The following ELMO1 variants were observed in gnomAD, a reference collection of about 807,000 sequenced individuals.
ELMO1 encodes the protein engulfment and cell motility 1, also known as engulfment and cell motility protein 1.
ELMO1 carries 26 observed loss-of-function variants against 98.9 expected under a neutral mutation model. The observed-to-expected ratio is 0.26, with a 90% CI of 0.19 to 0.36. The LOEUF (loss-of-function observed/expected upper bound fraction) is 0.36, where lower values mean the gene tolerates loss of function less well. Ranked by LOEUF, ELMO1 falls within the 10% of genes least tolerant of loss-of-function variation. The pLI is 1.00. For missense variants in ELMO1, 627 were observed against 935.2 expected (o/e 0.67, Z 4.30); for synonymous variants, 346 against 346.0 (o/e 1.00, Z 0.00).
At chr7:37,411,528 G>A (rs1803990858) in intron 1 of ELMO1, among the ~76,000 whole-genome samples, 1 of 152,146 alleles carries the variant, frequency 6.6e-6, no homozygotes, top group South Asian at 2.1e-4. Context: ...GAGAGAGAAT[G>A]TATTCAGCTT....
chr7:36,919,603 G>A (rs1488779607), intron 16 of ELMO1, among the ~76,000 whole-genome samples: 1 of 152,160 alleles, frequency 6.6e-6, no homozygotes, highest in Non-Finnish European at 1.5e-5. Flanking sequence ...GAACAGAGTA[G>A]GCCTGGCAAC....
At chr7:36,908,717 A>T (rs1286884859) in intron 16 of ELMO1, among the ~76,000 whole-genome samples, 3 of 152,230 alleles carry the variant, frequency 2.0e-5, no homozygotes, top group African/African-American at 7.2e-5. Flanking sequence ...GGACCTTACC[A>T]TGTATCTCAT....
intron 5 of ELMO1, among the ~76,000 whole-genome samples, chr7:37,264,717 G>T (rs560670084): frequency 2.6e-5 from 4 of 152,158 alleles, no homozygotes; most frequent in Non-Finnish European, 5.9e-5. Context: ...TCCCAGATAG[G>T]AAAGGGTTCT....
At chr7:37,294,288 C>T (rs546340026) in intron 4 of ELMO1, among the ~76,000 whole-genome samples, 18 of 150,614 alleles carry the variant, frequency 1.2e-4, no homozygotes, top group African/African-American at 3.4e-4. Flanking sequence ...ACCCGGGAGG[C>T]GGAGGTTGCA....
chr7:37,346,398 C>T (rs1331555153), intron 1 of ELMO1, among the ~76,000 whole-genome samples: 4 of 152,060 alleles, frequency 2.6e-5, no homozygotes, highest in African/African-American at 9.7e-5. Context: ...TTAACCATAG[C>T]AATGCCAATT....
intron 15 of ELMO1, among the ~76,000 whole-genome samples, chr7:37,046,546 AT>A (rs558770352): frequency 6.6e-6 from 1 of 152,236 alleles, no homozygotes; most frequent in Non-Finnish European, 1.5e-5. Context: ...TACATTTTAT[AT>A]TTTGATATTT....
chr7:37,321,857 C>CT (rs869082330), intron 2 of ELMO1, among the ~76,000 whole-genome samples: 114 of 137,456 alleles, frequency 8.3e-4, no homozygotes, highest in South Asian at 1.4e-3. Context: ...AAGTAACTCC[C>CT]TTTTTTTTTT....
At chr7:36,929,455 T>A (rs1411089406) in intron 16 of ELMO1, among the ~76,000 whole-genome samples, 1 of 152,162 alleles carries the variant, frequency 6.6e-6, no homozygotes, top group Non-Finnish European at 1.5e-5. Context: ...TAAATACACA[T>A]CAAGGCATCA....
Position 37,153,440 on chromosome 7 carries a change from G to T in ELMO1, c.1087-20206C>A, listed in dbSNP as rs145194476. ...AACGGTACACTCCTGCCAAAATACC[G>T]TGCTTTTCCCACAGTCTTCACAATC... is the stretch of plus-strand genomic sequence containing the variant. On this transcript the variant is annotated intron_variant, in intron 13 of 21. Coordinates refer to ENST00000310758, the MANE Select transcript of ELMO1 (RefSeq NM_014800.11). Among the ~76,000 whole-genome samples, 23 of 152,258 alleles carry T rather than the reference G, an allele frequency of 1.5e-4. No individual in the cohort carries two copies. In the East Asian group the frequency reaches 4.3e-3, roughly 28 times the overall value.
chr7:37,246,671 G>T lies in ELMO1; in HGVS notation c.414-2280C>A, dbSNP rs1434238865. Among the ~76,000 whole-genome samples the T allele has an allele frequency of 2.0e-5, 3 of 152,150 alleles. No individual in the cohort carries two copies. In the East Asian group the frequency reaches 5.8e-4, roughly 29 times the overall value. ...ATCTTGTGTTTCAGTAGAAAACTAA[G>T]CAGCGCCTACAACATATCCTTTTGG... On this transcript the variant is annotated intron_variant, in intron 6 of 21. Transcript: ENST00000310758.
At chr7:37,213,266 T>A (rs1793083311) in intron 12 of ELMO1, 69 bp downstream of exon 12, 13 of 1,563,644 alleles carry the variant, frequency 8.3e-6, no homozygotes, top group Non-Finnish European at 1.0e-5. Flanking sequence ...TCAGGGTACC[T>A]CAAGAAAAGA....
rs1488911701 is a variant in ELMO1 at position 36,855,876 on chromosome 7, G to C, written c.1984-125C>G. The C allele has an allele frequency of 4.6e-6, 5 of 1,082,372 alleles. No homozygotes were observed. The Admixed American group carries it at 1.2e-4, about 25-fold the overall frequency. 67.0% of individuals were successfully genotyped at this position (1,082,372 alleles called of 1,614,324 possible). A position where few individuals can be genotyped will look rare whatever the true frequency, so the allele number is the denominator to read the frequency against. ...GTGCGCTAAGGGCTCTGCCTACTTCGTCATTTCATATTTGGCGACATCTCA... is the reference window on the plus strand; with the variant it reads ...GTGCGCTAAGGGCTCTGCCTACTTCCTCATTTCATATTTGGCGACATCTCA... On this transcript the variant is annotated intron_variant, in intron 21 of 21. Coordinates refer to ENST00000310758, the MANE Select transcript of ELMO1 (RefSeq NM_014800.11). This position sits in a 1 kb window ranked among gnomAD's most constrained non-coding sequence, Gnocchi z 4.2.
chr7:36,908,550 TA>T (rs201236307), intron 16 of ELMO1, among the ~76,000 whole-genome samples: 2,153 of 144,588 alleles, frequency 0.015, 20 homozygotes, highest in Middle Eastern at 0.055. Flanking sequence ...TAAGATTTGT[TA>T]TTTTTTTTTT....
intron 13 of ELMO1, among the ~76,000 whole-genome samples, chr7:37,142,715 A>C (rs1787718507): frequency 6.6e-6 from 1 of 152,248 alleles, no homozygotes; most frequent in African/African-American, 2.4e-5. Context: ...CTGACACAGG[A>C]GGGGAGCCAA....
chr7:36,857,045 C>T (rs570649037), intron 21 of ELMO1, among the ~76,000 whole-genome samples: 3 of 152,206 alleles, frequency 2.0e-5, no homozygotes, highest in Non-Finnish European at 4.4e-5. Context: ...TGATGGAAAT[C>T]TTCCGTGATG....
At chr7:36,864,381 A>G (rs1169785764) in intron 20 of ELMO1, among the ~76,000 whole-genome samples, 1 of 152,172 alleles carries the variant, frequency 6.6e-6, no homozygotes, top group Admixed American at 6.5e-5. Flanking sequence ...TGATAAACAC[A>G]GGCAGGAAAT....
At chr7:36,858,173 A>G (rs1424973394) in intron 21 of ELMO1, among the ~76,000 whole-genome samples, 3 of 152,356 alleles carry the variant, frequency 2.0e-5, no homozygotes, top group South Asian at 2.1e-4. Context: ...TGTAAATTGT[A>G]TAACTTTAGG....
At chr7:36,956,669 A>G (rs1788474940) in intron 16 of ELMO1, among the ~76,000 whole-genome samples, 1 of 152,246 alleles carries the variant, frequency 6.6e-6, no homozygotes, top group Non-Finnish European at 1.5e-5. Context: ...GCTTATAGTG[A>G]CAAAGCTTCT....
At position 37,349,782 on chromosome 7, in the gene ELMO1, G is replaced by A. The variant is rs556179734; in HGVS notation, c.-73-7019C>T. Among the ~76,000 whole-genome samples the A allele has an allele frequency of 4.5e-4, 69 of 152,318 alleles. 1 individual carries two copies. Among genetic ancestry groups the A allele is most frequent in the African/African-American group, 1.7e-3 (69 of 41,570 alleles). ...TCTTCACTTTTGAGAACACCGCCCTGCATGGTACACTGAACCTCAGAAGGG... is the reference window on the plus strand; with the variant it reads ...TCTTCACTTTTGAGAACACCGCCCTACATGGTACACTGAACCTCAGAAGGG... On this transcript the variant is annotated intron_variant, in intron 1 of 21. Transcript: ENST00000310758.
Sources: gnomAD v4.1 joint callset for allele counts (sites outside exome capture counted in the v4.1 genomes callset) on GRCh38, gnomAD v4.1.1 for gene constraint, Gnocchi (gnomAD v3.1) non-coding constraint, MANE v1.5 for transcripts, NCBI Gene and HGNC (gene_info 2026-07-23, HGNC 2026-07-21) for gene names.